Variants in FRMD5 observed in about 807,000 individuals in gnomAD.
FRMD5 encodes the protein FERM domain-containing protein 5.
Under a neutral mutation model 69.0 loss-of-function variants are expected in FRMD5, and 20 were observed. That is an observed-to-expected ratio of 0.29 (90% CI 0.20 to 0.42). The LOEUF is 0.42. Ranked by LOEUF, FRMD5 falls within the 10% of genes least tolerant of loss-of-function variation. The pLI, the probability that FRMD5 is intolerant of heterozygous loss-of-function variation, is 1.00. For synonymous variants in FRMD5, 271 were observed against 260.1 expected (o/e 1.04, Z -0.40); for missense variants, 595 against 708.6 (o/e 0.84, Z 1.82).
intron 1 of FRMD5, among the ~76,000 whole-genome samples, chr15:44,070,777 A>G (rs1338910969): frequency 6.6e-6 from 1 of 152,210 alleles, no homozygotes; most frequent in Non-Finnish European, 1.5e-5. Flanking sequence ...TTACCTGAAC[A>G]TAGCTACTGA....
intron 1 of FRMD5, among the ~76,000 whole-genome samples, chr15:43,953,353 C>A (rs192022728): frequency 6.6e-6 from 1 of 152,180 alleles, no homozygotes; most frequent in East Asian, 1.9e-4. Flanking sequence ...TGGTAGCATC[C>A]CCATCCCTCA....
intron 1 of FRMD5, among the ~76,000 whole-genome samples, chr15:44,145,997 T>C (rs2077349822): frequency 6.6e-6 from 1 of 152,212 alleles, no homozygotes; most frequent in Non-Finnish European, 1.5e-5. Context: ...GAATTGAACT[T>C]TCACTTTAAA....
Position 43,991,137 on chromosome 15 carries a change from CCA to C in FRMD5, c.103-66830_103-66829del, listed in dbSNP as rs547766225. On this transcript the variant is annotated intron_variant, in intron 1 of 13. Transcript: ENST00000417257. ...ACTGTATGACCTGTACAGGTCTCTGCCAGAGTTAAGATGCTGTGATTTTTATC... is the reference window on the plus strand; with the variant it reads ...ACTGTATGACCTGTACAGGTCTCTGCGAGTTAAGATGCTGTGATTTTTATC... Among the ~76,000 whole-genome samples the C allele has an allele frequency of 6.4e-4, 98 of 152,294 alleles. 2 individuals carry two copies. In the South Asian group the frequency reaches 0.02, roughly 30 times the overall value.
At chr15:43,958,876 T>C (rs904855795) in intron 1 of FRMD5, among the ~76,000 whole-genome samples, 2 of 152,214 alleles carry the variant, frequency 1.3e-5, no homozygotes, top group Non-Finnish European at 2.9e-5. Context: ...ACAAAGGTGG[T>C]GACAGACTCC....
chr15:43,990,219 G>A, intron 1 of FRMD5: 1 of 437,342 alleles, frequency 2.3e-6, no homozygotes, highest in South Asian at 1.9e-5. Context: ...GGGTGGCAGA[G>A]AGGCGAGGGC....
rs1474192410 is a variant in FRMD5, at chr15:44,051,610, T to C, written c.103-127301A>G. ...TCACATTTCCTTAGTTCTAACCTAA[T>C]GCTCTTTTTCTATTCTAGGATCTCA... is the stretch of plus-strand genomic sequence containing the variant. On this transcript the variant is annotated intron_variant, in intron 1 of 13. Transcript: ENST00000417257. Among the ~76,000 whole-genome samples, 3 of 152,146 alleles carry C rather than the reference T, an allele frequency of 2.0e-5. No individual in the cohort carries two copies. The East Asian group carries it at 5.8e-4, about 29-fold the overall frequency.
At chr15:44,009,228 G>C (rs1435796535) in intron 1 of FRMD5, among the ~76,000 whole-genome samples, 3 of 152,196 alleles carry the variant, frequency 2.0e-5, no homozygotes, top group African/African-American at 7.2e-5. Context: ...AGCTTTCTAA[G>C]GGTTGGGTCA....
chr15:44,017,494 G>A (rs1297820641), intron 1 of FRMD5, among the ~76,000 whole-genome samples: 1 of 151,878 alleles, frequency 6.6e-6, no homozygotes, highest in African/African-American at 2.4e-5. Flanking sequence ...TATTTATTTA[G>A]TACATTAGTC....
At chr15:44,170,732 TC>T (rs1203343810) in intron 1 of FRMD5, among the ~76,000 whole-genome samples, 1 of 152,074 alleles carries the variant, frequency 6.6e-6, no homozygotes, top group Non-Finnish European at 1.5e-5. Flanking sequence ...TGGAGTTTTT[TC>T]CCTTAGATAA....
At chr15:43,957,363 T>A (rs1195532190) in intron 1 of FRMD5, among the ~76,000 whole-genome samples, 1 of 152,074 alleles carries the variant, frequency 6.6e-6, no homozygotes, top group Non-Finnish European at 1.5e-5. Context: ...GCCTGACTAA[T>A]TTTTTGTATT....
intron 12 of FRMD5, 73 bp from the exon 13 acceptor site, chr15:43,883,882 C>G (rs553386925): frequency 9.4e-7 from 1 of 1,068,124 alleles, no homozygotes; most frequent in South Asian, 1.3e-5. Flanking sequence ...GAATTGAGTA[C>G]TGGCTACTAG....
intron 1 of FRMD5, among the ~76,000 whole-genome samples, chr15:44,027,440 C>G (rs1363235012): frequency 6.6e-6 from 1 of 152,032 alleles, no homozygotes; most frequent in Non-Finnish European, 1.5e-5. Flanking sequence ...AGTAACAACC[C>G]CAAATCTTCA....
At chr15:44,032,379 G>A (rs1368119576) in intron 1 of FRMD5, among the ~76,000 whole-genome samples, 1 of 152,062 alleles carries the variant, frequency 6.6e-6, no homozygotes, top group Admixed American at 6.6e-5. Flanking sequence ...AAGAGCTTCT[G>A]CAGACACAGC....
intron 1 of FRMD5, among the ~76,000 whole-genome samples, chr15:43,940,310 G>T (rs2089840254): frequency 6.6e-6 from 1 of 152,220 alleles, no homozygotes; most frequent in Admixed American, 6.5e-5. Flanking sequence ...CTCCAAGAAA[G>T]TAATGGGGCC....
chr15:43,875,804 G>GTTTTGTT (rs2088328871), intron 13 of FRMD5: 1 of 209,616 alleles, frequency 4.8e-6, no homozygotes, highest in Non-Finnish European at 8.4e-6. Flanking sequence ...CCTGGGCCTA[G>GTTTTGTT]TTTTTTTTTT....
At chr15:44,042,980 G>A (rs1182129542) in intron 1 of FRMD5, among the ~76,000 whole-genome samples, 1 of 152,198 alleles carries the variant, frequency 6.6e-6, no homozygotes, top group African/African-American at 2.4e-5. Flanking sequence ...AAAAGAGGAA[G>A]TCAAATTGTC....
chr15:44,037,595 G>C (rs1398443999), intron 1 of FRMD5, among the ~76,000 whole-genome samples: 1 of 150,176 alleles, frequency 6.7e-6, no homozygotes, highest in Non-Finnish European at 1.5e-5. Context: ...AGCCTCCCAA[G>C]TAGCTGGGAC....
At position 43,874,167 on chromosome 15, in the gene FRMD5, T is replaced by G; in HGVS notation, c.1431A>C (p.Gly477=). Residue 477 remains glycine (G), a synonymous_variant, in exon 14 of 14, where the codon GGA becomes GGC. Coordinates refer to ENST00000417257, the MANE Select transcript of FRMD5 (RefSeq NM_032892.5). ...PTATEVEALG[G]ELRALCQGHS... is the part of the protein sequence containing the mutation. ...GCCCCTGACACAGGGCCCTCAGCTC[T>G]CCCCCAAGGGCCTCCACCTCTGTAG... The G allele has an allele frequency of 6.2e-7, 1 of 1,614,094 alleles. No homozygotes were observed. Among genetic ancestry groups the G allele is most frequent in the African/African-American group, 1.3e-5 (1 of 75,020 alleles).
At chr15:43,963,140 G>T (rs1216222705) in intron 1 of FRMD5, among the ~76,000 whole-genome samples, 2 of 152,132 alleles carry the variant, frequency 1.3e-5, no homozygotes, top group South Asian at 4.2e-4. Flanking sequence ...TGGGAGAAAA[G>T]TTTTGCAACC....
Sources: allele counts gnomAD v4.1 joint callset (sites outside exome capture counted in the v4.1 genomes callset), GRCh38; gene constraint gnomAD v4.1.1; transcripts MANE v1.5; gene names NCBI Gene and HGNC (gene_info 2026-07-23, HGNC 2026-07-21).